The following ABLIM1 variants were observed in gnomAD, a reference collection of about 807,000 sequenced individuals.
The protein encoded by ABLIM1 is actin binding LIM protein 1, also known as actin-binding LIM protein 1.
Under a neutral mutation model 107.0 loss-of-function variants are expected in ABLIM1, and 40 were observed. The observed-to-expected ratio is 0.37, with a 90% confidence interval of 0.29 to 0.49. The LOEUF is 0.49. Among genes scored for constraint, ABLIM1 ranks in the 20% least tolerant of loss-of-function variants. The pLI, the probability that ABLIM1 is intolerant of heterozygous loss-of-function variation, is 0.97. For missense variants in ABLIM1, 857 were observed against 1,008.5 expected (o/e 0.85, Z 2.04); for synonymous variants, 357 against 357.3 (o/e 1.00, Z 0.01).
At chr10:114,791,862 AC>A in the ABLIM1 span, among the ~76,000 whole-genome samples, 1 of 152,278 alleles carries the variant, frequency 6.6e-6, no homozygotes, top group East Asian at 1.9e-4. Context: ...AGTAAAATTG[AC>A]CTTTCATTGC....
chr10:114,672,344 G>A (rs1161699896), intron 1 of ABLIM1, among the ~76,000 whole-genome samples: 1 of 152,104 alleles, frequency 6.6e-6, no homozygotes, highest in Non-Finnish European at 1.5e-5. Flanking sequence ...GGGACTACAG[G>A]CATGTGCCAC....
At position 114,684,495 on chromosome 10, in the gene ABLIM1, G is replaced by T. The variant is rs1406888136; in HGVS notation, c.-142C>A. On this transcript the variant is annotated 5_prime_UTR_variant, in exon 1 of 24. Transcript: ENST00000369256. ...TGAACTGGACCCGAGGGAGGGGTGT[G>T]CCACCGGTGGGTGTGCCACAGCCAG... The T allele has an allele frequency of 2.8e-6, 4 of 1,433,142 alleles. No homozygotes were observed. In the African/African-American group the frequency reaches 5.7e-5, roughly 20 times the overall value. 88.8% of individuals were successfully genotyped at this position (1,433,142 alleles called of 1,614,324 possible).
intron 1 of ABLIM1, among the ~76,000 whole-genome samples, chr10:114,767,672 C>T (rs944700558): frequency 6.6e-6 from 1 of 151,936 alleles, no homozygotes; most frequent in African/African-American, 2.4e-5. Flanking sequence ...TGCCTCAAGC[C>T]CTGGATTTCT....
intron 12 of ABLIM1, among the ~76,000 whole-genome samples, chr10:114,457,108 G>C (rs1422005934): frequency 6.6e-6 from 1 of 152,064 alleles, no homozygotes; most frequent in Non-Finnish European, 1.5e-5. Context: ...GCTCATCGGG[G>C]AATAAGTTCT....
At chr10:114,700,270 T>C (rs1353796191) in intron 1 of ABLIM1, among the ~76,000 whole-genome samples, 2 of 152,150 alleles carry the variant, frequency 1.3e-5, no homozygotes, top group African/African-American at 4.8e-5. Flanking sequence ...CTACAAATAA[T>C]CACTGAGGTA....
chr10:114,722,934 T>C (rs2142062353), intron 1 of ABLIM1, among the ~76,000 whole-genome samples: 1 of 152,342 alleles, frequency 6.6e-6, no homozygotes, highest in Non-Finnish European at 1.5e-5. Flanking sequence ...TCCTTCCTTC[T>C]GTAATCATGG....
At chr10:114,555,315 T>C (rs184065089) in intron 4 of ABLIM1, among the ~76,000 whole-genome samples, 2 of 152,228 alleles carry the variant, frequency 1.3e-5, no homozygotes, top group Non-Finnish European at 2.9e-5. Context: ...AGGGACTTTA[T>C]AGACCATCTG....
chr10:114,573,680 T>A (rs2072041245), intron 3 of ABLIM1, among the ~76,000 whole-genome samples: 1 of 152,158 alleles, frequency 6.6e-6, no homozygotes, highest in African/African-American at 2.4e-5. Flanking sequence ...GAGACTCCCA[T>A]CTCTAGTCCA....
At chr10:114,532,401 A>C (rs1371201781) in intron 6 of ABLIM1, among the ~76,000 whole-genome samples, 2 of 152,222 alleles carry the variant, frequency 1.3e-5, no homozygotes, top group Admixed American at 6.5e-5. Flanking sequence ...AAGCAAGTCC[A>C]TCTGCTGGAA....
intron 6 of ABLIM1, among the ~76,000 whole-genome samples, chr10:114,517,816 C>T (rs1009704537): frequency 6.6e-6 from 1 of 152,120 alleles, no homozygotes; most frequent in African/African-American, 2.4e-5. Flanking sequence ...GCTGTGCTGG[C>T]AGAAAGTTAG....
intron 4 of ABLIM1, among the ~76,000 whole-genome samples, chr10:114,569,138 T>C (rs917598886): frequency 3.8e-4 from 58 of 152,128 alleles, no homozygotes; most frequent in East Asian, 1.9e-4. Flanking sequence ...AGATAGCTTA[T>C]GTGACCTTAA....
upstream of ABLIM1, among the ~76,000 whole-genome samples, chr10:114,659,756 T>C (rs1376653405): frequency 6.6e-6 from 1 of 152,190 alleles, no homozygotes; most frequent in Non-Finnish European, 1.5e-5. Flanking sequence ...AGCACTGATC[T>C]ACGCCAGCCT....
intron 1 of ABLIM1, among the ~76,000 whole-genome samples, chr10:114,610,964 C>T (rs2076767776): frequency 6.6e-6 from 1 of 151,954 alleles, no homozygotes; most frequent in Non-Finnish European, 1.5e-5. Flanking sequence ...CCAGCCTGGC[C>T]AACATAGTGA....
intron 6 of ABLIM1, among the ~76,000 whole-genome samples, chr10:114,500,890 C>T (rs776569195): frequency 1.7e-4 from 26 of 152,074 alleles, no homozygotes; most frequent in Non-Finnish European, 3.2e-4. Context: ...CTTTCTTCCT[C>T]TCTTTCCCAC....
intron 1 of ABLIM1, among the ~76,000 whole-genome samples, chr10:114,743,663 A>C (rs1205208979): frequency 4.6e-5 from 7 of 152,226 alleles, no homozygotes; most frequent in Non-Finnish European, 8.8e-5. Context: ...GTTAGTCAAT[A>C]GTATATTTCA....
chr10:114,619,203 C>G lies in ABLIM1; in HGVS notation c.245-17242G>C, dbSNP rs2077313399. Reference sequence around the variant, plus strand: ...TTTTTTCTTTCTCTTTCTTTCTTTTCTTTTTTTTTTTGAGACAGTGTCTTG... The same window carrying G: ...TTTTTTCTTTCTCTTTCTTTCTTTTGTTTTTTTTTTTGAGACAGTGTCTTG... On this transcript the variant is annotated intron_variant, in intron 1 of 22. Coordinates refer to ENST00000533213, the MANE Select transcript of ABLIM1 (RefSeq NM_002313.7). This position sits in a 1 kb window ranked among gnomAD's most constrained non-coding sequence, Gnocchi z 4.1. 7.2e-6 allele frequency among the ~76,000 whole-genome samples: 1 copy of G among 139,418 alleles called. No individual in the cohort carries two copies. Among genetic ancestry groups the G allele is most frequent in the South Asian group, 2.3e-4 (1 of 4,322 alleles). The allele number at this position is 139,418 out of a possible 152,430, so 91.5% of individuals were successfully genotyped here.
At chr10:114,469,001 G>A (rs1316672913) in intron 10 of ABLIM1, among the ~76,000 whole-genome samples, 7 of 140,344 alleles carry the variant, frequency 5.0e-5, no homozygotes, top group East Asian at 4.3e-4. Flanking sequence ...GCAGTGAGCC[G>A]AGATCACGCC....
chr10:114,536,057 A>G (rs1244270533), intron 6 of ABLIM1, among the ~76,000 whole-genome samples: 5 of 151,796 alleles, frequency 3.3e-5, no homozygotes, highest in Non-Finnish European at 5.9e-5. Flanking sequence ...CATTACTCCA[A>G]AAAGAAACCC....
intron 20 of ABLIM1, chr10:114,439,731 GA>G: frequency 8.2e-6 from 3 of 364,244 alleles, no homozygotes; most frequent in Non-Finnish European, 1.0e-5. Flanking sequence ...GAACGCGCAG[GA>G]AAAGGGTGGC....
Sources: gnomAD v4.1 joint callset for allele counts (sites outside exome capture counted in the v4.1 genomes callset) on GRCh38, gnomAD v4.1.1 for gene constraint, Gnocchi (gnomAD v3.1) non-coding constraint, MANE v1.5 for transcripts, NCBI Gene and HGNC (gene_info 2026-07-23, HGNC 2026-07-21) for gene names.